HMOX1: variants seen among roughly 807,000 people sequenced by gnomAD.
HMOX1 encodes heme oxygenase 1, also known as heat shock protein, 32-kD.
HMOX1 carries 22 observed loss-of-function variants against 27.8 expected under a neutral mutation model. That is an observed-to-expected ratio of 0.79 (90% CI 0.57 to 1.13). The LOEUF (loss-of-function observed/expected upper bound fraction) is 1.13. HMOX1 is among the 50% of genes most tolerant of loss of function. The pLI, the probability that HMOX1 is intolerant of heterozygous loss-of-function variation, is 0.00. For missense variants in HMOX1, 379 were observed against 377.7 expected (o/e 1.00, Z -0.03); for synonymous variants, 153 against 151.6 (o/e 1.01, Z -0.07).
chr22:35,393,510 A>C lies in HMOX1; in HGVS notation c.779A>C (p.Asn260Thr), dbSNP rs749782022. ...ACTCCCAGAGGGAAGCCCCCACTCA[A>C]CACCCGCTCCCAGGCTCCGCTTCTC... ...VETPRGKPPLNTRSQAPLLRW... is the reference protein window; with the variant it reads ...VETPRGKPPLTTRSQAPLLRW... Residue 260 changes from asparagine (N) to threonine (T), a missense_variant, in exon 5 of 5, where the codon AAC becomes ACC. Transcript: ENST00000216117. 1 of 1,614,116 alleles carries C rather than the reference A, an allele frequency of 6.2e-7. No individual in the cohort carries two copies. The highest frequency in any genetic ancestry group is 1.7e-5 in the Admixed American group (1 of 60,004).
chr22:35,391,383 G>C (rs1391586771), intron 4 of HMOX1, among the ~76,000 whole-genome samples: 1 of 151,814 alleles, frequency 6.6e-6, no homozygotes, highest in Non-Finnish European at 1.5e-5. Context: ...CGCCTCCCAG[G>C]TTCACGCCAT....
chr22:35,386,840 C>A lies in HMOX1; in HGVS notation c.300C>A (p.Arg100=), dbSNP rs530687075. The change falls in exon 3 of 5, where the codon CGC becomes CGA. Residue 100 remains arginine (R), a synonymous_variant. Coordinates refer to ENST00000216117, the MANE Select transcript of HMOX1 (RefSeq NM_002133.3). ...EQDLAFWYGP[R]WQEVIPYTPA... is the part of the protein sequence containing the mutation. ...ACCTGGCCTTCTGGTACGGGCCCCG[C>A]TGGCAGGAGGTCATCCCCTACACAC... The A allele has an allele frequency of 3.7e-6, 6 of 1,614,084 alleles. No homozygotes were observed. The South Asian group carries it at 5.5e-5, about 15-fold the overall frequency.
At position 35,383,159 on chromosome 22, in the gene HMOX1, C is replaced by T. The variant is rs1601739499; in HGVS notation, c.77C>T (p.Thr26Ile). 6.2e-7 allele frequency: 1 copy of T among 1,613,850 alleles called. No individual in the cohort carries two copies. Among genetic ancestry groups the T allele is most frequent in the Non-Finnish European group, 8.5e-7 (1 of 1,179,800 alleles). Residue 26 changes from threonine to isoleucine, a missense_variant, in exon 2 of 5, where the codon ACC becomes ATC. Coordinates refer to ENST00000216117, the MANE Select transcript of HMOX1 (RefSeq NM_002133.3). ...AAGGAGGCCACCAAGGAGGTGCACA[C>T]CCAGGCAGAGAATGCTGAGTTCATG... ...ALKEATKEVHTQAENAEFMRN... is the reference protein window; with the variant it reads ...ALKEATKEVHIQAENAEFMRN...
intron 3 of HMOX1, among the ~76,000 whole-genome samples, chr22:35,389,631 A>G (rs1931663112): frequency 6.7e-6 from 1 of 148,506 alleles, no homozygotes. Flanking sequence ...TTTACTAGAG[A>G]TGGGGTTTCA....
Position 35,387,123 on chromosome 22 carries a change from G to A in HMOX1, c.583G>A (p.Val195Ile). 1.9e-6 allele frequency: 3 copies of A among 1,613,620 alleles called. No individual in the cohort carries two copies. The highest frequency in any genetic ancestry group is 2.5e-6 in the Non-Finnish European group (3 of 1,180,050). ...RMNSLEMTPA[V>I]RQRVIEEAKT... ...GAACTCCCTGGAGATGACTCCCGCAGTCAGGCAGAGGGTGATAGAAGAGGC... is the reference window on the plus strand; with the variant it reads ...GAACTCCCTGGAGATGACTCCCGCAATCAGGCAGAGGGTGATAGAAGAGGC... The change falls in exon 3 of 5, where the codon GTC becomes ATC. Residue 195 changes from valine to isoleucine, a missense_variant. Val to Ile is a conservative substitution (Grantham distance 29, BLOSUM62 3). Transcript: ENST00000216117.
At position 35,394,162 on chromosome 22, in the gene HMOX1, T is replaced by C. The variant is rs1931800570; in HGVS notation, c.*564T>C. On this transcript the variant is annotated 3_prime_UTR_variant, in exon 5 of 5. Transcript: ENST00000216117. Reference sequence around the variant, plus strand: ...GAGGTGTTTAACGGCACTGTGGCCTTGGTCTAACTTTTGTGTGAAATAATA... The same window carrying C: ...GAGGTGTTTAACGGCACTGTGGCCTCGGTCTAACTTTTGTGTGAAATAATA... 5.7e-6 allele frequency: 1 copy of C among 175,634 alleles called. No individual in the cohort carries two copies. The highest frequency in any genetic ancestry group is 5.4e-5 in the Admixed American group (1 of 18,532). The allele number at this position is 175,634 out of a possible 1,614,324, so 10.9% of individuals were successfully genotyped here.
In HMOX1 at chr22:35,386,647, A is replaced by T. The variant is rs1286745109; in HGVS notation, c.145-38A>T. On this transcript the variant is annotated intron_variant, in intron 2 of 4. Transcript: ENST00000216117. ...GGACGGACAGAGGTGGGGGTCTTCT[A>T]TGTGGCTGGCGGCCTGACCTGCTCA... 9 of 1,613,642 alleles carry T rather than the reference A, an allele frequency of 5.6e-6. No individual in the cohort carries two copies. The Admixed American group carries it at 8.3e-5, about 15-fold the overall frequency.
At chr22:35,381,684 C>T (rs986442130) in intron 1 of HMOX1, among the ~76,000 whole-genome samples, 16 of 152,114 alleles carry the variant, frequency 1.1e-4, no homozygotes, top group African/African-American at 3.4e-4. Context: ...CAAGAGTGCT[C>T]AGTTAGCTGG....
intron 4 of HMOX1, among the ~76,000 whole-genome samples, chr22:35,391,626 CT>C (rs1178849578): frequency 8.1e-6 from 1 of 123,246 alleles, no homozygotes; most frequent in East Asian, 2.4e-4. Flanking sequence ...CAGGGTCTCG[CT>C]CTTTCACCCA....
intron 3 of HMOX1, among the ~76,000 whole-genome samples, chr22:35,388,538 A>G (rs1176825435): frequency 1.3e-5 from 2 of 152,046 alleles, no homozygotes; most frequent in Non-Finnish European, 2.9e-5. Flanking sequence ...CTGTAATTCC[A>G]GCACTTTGGG....
intron 3 of HMOX1, among the ~76,000 whole-genome samples, chr22:35,389,434 T>TTCTTTCTA (rs1931652375): frequency 1.7e-5 from 2 of 118,250 alleles, no homozygotes; most frequent in Non-Finnish European, 1.7e-5. Flanking sequence ...CTTTCTATCT[T>TTCTTTCTA]TCTTTCTTTC....
Position 35,389,341 on chromosome 22 carries a change from C to CTCCTTCCTTCCTTCCTTCCT in HMOX1, c.637-485_637-466dup, listed in dbSNP as rs1232057826. The stretch of plus-strand genomic sequence containing the variant: ...TTTCTTCTTTCTTTCTTTCTTTCTT[C>CTCCTTCCTTCCTTCCTTCCT]TCCTTCCTTCCTTCCTTCCTTCCTT... On this transcript the variant is annotated intron_variant, in intron 3 of 4. Transcript: ENST00000216117. Among the ~76,000 whole-genome samples, 29 of 62,566 alleles carry CTCCTTCCTTCCTTCCTTCCT rather than the reference C, an allele frequency of 4.6e-4. 1 individual carries two copies. Among genetic ancestry groups the CTCCTTCCTTCCTTCCTTCCT allele is most frequent in the East Asian group, 3.2e-3 (7 of 2,216 alleles). The allele number at this position is 62,566 out of a possible 152,430, so 41.0% of individuals were successfully genotyped here. A position where few individuals can be genotyped will look rare whatever the true frequency, so the allele number is the denominator to read the frequency against.
At chr22:35,392,965 C>T (rs1931759741) in intron 4 of HMOX1, among the ~76,000 whole-genome samples, 1 of 152,156 alleles carries the variant, frequency 6.6e-6, no homozygotes, top group Non-Finnish European at 1.5e-5. Flanking sequence ...ATCCACCTGC[C>T]TTGGCCTCCC....
intron 4 of HMOX1, among the ~76,000 whole-genome samples, chr22:35,390,508 C>T (rs1230062513): frequency 6.6e-6 from 1 of 152,102 alleles, no homozygotes; most frequent in Non-Finnish European, 1.5e-5. Context: ...AGATTACAGG[C>T]GTGAGTCACT....
intron 3 of HMOX1, among the ~76,000 whole-genome samples, chr22:35,389,391 C>CTTCCTTT (rs1931636673): frequency 4.0e-5 from 2 of 49,798 alleles, no homozygotes; most frequent in Non-Finnish European, 7.5e-5. Flanking sequence ...TTCCTTCCTT[C>CTTCCTTT]CTTCCTTTCT....
intron 2 of HMOX1, among the ~76,000 whole-genome samples, chr22:35,385,609 C>CTTTTT (rs71191362): frequency 2.1e-5 from 2 of 94,186 alleles, no homozygotes; most frequent in Non-Finnish European, 4.0e-5. Context: ...CCATACCTGG[C>CTTTTT]TTTTTTTTTT....
chr22:35,381,422 C>T (rs916168554), intron 1 of HMOX1: 1 of 606,564 alleles, frequency 1.6e-6, no homozygotes, highest in Non-Finnish European at 2.9e-6. Context: ...GGTTGGTGAC[C>T]AAGATGGGAG....
chr22:35,383,090 C>T lies in HMOX1; in HGVS notation c.24-16C>T, dbSNP rs775303185. 1 of 1,612,916 alleles carries T rather than the reference C, an allele frequency of 6.2e-7. No individual in the cohort carries two copies. The highest frequency in any genetic ancestry group is 1.1e-5 in the South Asian group (1 of 91,012). On this transcript the variant is annotated splice_polypyrimidine_tract_variant and intron_variant, in intron 1 of 4. Coordinates refer to ENST00000216117, the MANE Select transcript of HMOX1 (RefSeq NM_002133.3). Reference sequence around the variant, plus strand: ...CCCAGCCAGCTTTGTGTTCACCTTTCCCATTTCCTCCTCAGCATGCCCCAG... The same window carrying T: ...CCCAGCCAGCTTTGTGTTCACCTTTTCCATTTCCTCCTCAGCATGCCCCAG...
intron 3 of HMOX1, among the ~76,000 whole-genome samples, 154 bp from the exon 4 acceptor site, chr22:35,389,710 G>A (rs17878790): frequency 0.16 from 23,669 of 151,628 alleles, 3,907 homozygotes; most frequent in African/African-American, 0.42. Context: ...CAAAGTGCTG[G>A]GATTACAGGG....
Sources: gnomAD v4.1 joint callset for allele counts (sites outside exome capture counted in the v4.1 genomes callset) on GRCh38, gnomAD v4.1.1 for gene constraint, MANE v1.5 for transcripts, NCBI Gene and HGNC (gene_info 2026-07-23, HGNC 2026-07-21) for gene names.